MCTP2: variants seen among roughly 807,000 people sequenced by gnomAD.
MCTP2 encodes multiple C2 and transmembrane domain-containing protein 2.
Under a neutral mutation model 111.6 loss-of-function variants are expected in MCTP2, and 132 were observed. The observed-to-expected ratio is 1.18, with a 90% CI of 1.03 to 1.37. MCTP2 has a LOEUF of 1.37. Ranked by LOEUF, MCTP2 falls within the 40% of genes most tolerant of loss-of-function variation. MCTP2 has a pLI of 0.00. For synonymous variants in MCTP2, 395 were observed against 387.7 expected (o/e 1.02, Z -0.22); for missense variants, 1,183 against 1,067.9 (o/e 1.11, Z -1.50).
chr15:94,428,811 C>G (rs1356895555), intron 17 of MCTP2, among the ~76,000 whole-genome samples: 2 of 152,052 alleles, frequency 1.3e-5, no homozygotes, highest in Non-Finnish European at 2.9e-5. Flanking sequence ...TTTATTTTCT[C>G]TCCTTTATAC....
intron 1 of MCTP2, among the ~76,000 whole-genome samples, chr15:94,245,384 G>GTGTGTATA (rs2071811531): frequency 7.7e-6 from 1 of 129,764 alleles, no homozygotes; most frequent in Non-Finnish European, 1.6e-5. Flanking sequence ...ATATGTATAT[G>GTGTGTATA]TATTTATATA....
At chr15:94,325,596 T>C (rs2076826263) in intron 4 of MCTP2, among the ~76,000 whole-genome samples, 1 of 152,182 alleles carries the variant, frequency 6.6e-6, no homozygotes, top group African/African-American at 2.4e-5. Flanking sequence ...AGGTGTTTTC[T>C]TGAGGTCAGG....
chr15:94,366,700 A>G (rs1209099700), intron 10 of MCTP2, among the ~76,000 whole-genome samples: 3 of 152,116 alleles, frequency 2.0e-5, no homozygotes, highest in Admixed American at 6.6e-5. Context: ...TGGAGGGTAA[A>G]GGAGAATGTA....
At chr15:94,461,894 G>A (rs2085236148) in intron 20 of MCTP2, among the ~76,000 whole-genome samples, 1 of 152,150 alleles carries the variant, frequency 6.6e-6, no homozygotes, top group Admixed American at 6.5e-5. Flanking sequence ...GATGCATTTT[G>A]TGTTTAAATC....
chr15:94,380,778 AAGG>A (rs2080092395), intron 12 of MCTP2, among the ~76,000 whole-genome samples: 1 of 151,806 alleles, frequency 6.6e-6, no homozygotes, highest in Non-Finnish European at 1.5e-5. Flanking sequence ...AAAAAAAAAA[AAGG>A]GGGGGTTATC....
chr15:94,346,786 A>C (rs942238133), intron 8 of MCTP2, among the ~76,000 whole-genome samples: 1 of 151,932 alleles, frequency 6.6e-6, no homozygotes, highest in South Asian at 2.1e-4. Context: ...AATGATGGGG[A>C]GTAGAAAAAA....
chr15:94,454,699 T>C (rs1311134235), intron 19 of MCTP2, among the ~76,000 whole-genome samples: 4 of 152,196 alleles, frequency 2.6e-5, no homozygotes, highest in African/African-American at 9.7e-5. Flanking sequence ...GGAAGCTTTT[T>C]CTGAATGGAA....
At chr15:94,401,218 C>A (rs1014456549) in intron 16 of MCTP2, among the ~76,000 whole-genome samples, 4 of 152,002 alleles carry the variant, frequency 2.6e-5, no homozygotes, top group African/African-American at 9.7e-5. Context: ...CTTAGTCCCC[C>A]CAAATTTTGA....
chr15:94,467,201 CA>C (rs2073424997), intron 20 of MCTP2, among the ~76,000 whole-genome samples: 1 of 152,080 alleles, frequency 6.6e-6, no homozygotes, highest in Non-Finnish European at 1.5e-5. Context: ...ATAGAGCTAA[CA>C]AAAGTTGCAC....
chr15:94,366,380 A>G (rs1001010940), intron 10 of MCTP2, among the ~76,000 whole-genome samples: 1 of 152,208 alleles, frequency 6.6e-6, no homozygotes, highest in East Asian at 1.9e-4. Flanking sequence ...ATGGACACAT[A>G]TTGGTATGTA....
intron 1 of MCTP2, among the ~76,000 whole-genome samples, chr15:94,234,362 T>A (rs1011816589): frequency 6.6e-6 from 1 of 152,246 alleles, no homozygotes; most frequent in South Asian, 2.1e-4. Context: ...TCTGCCTGTT[T>A]CTGTGGAGAT....
At chr15:94,317,917 T>G (rs889439802) in intron 4 of MCTP2, among the ~76,000 whole-genome samples, 2 of 140,422 alleles carry the variant, frequency 1.4e-5, no homozygotes, top group Non-Finnish European at 3.1e-5. Flanking sequence ...ACCTATCAAG[T>G]GTATCCCTTC....
chr15:94,452,986 G>C (rs2084562381), intron 19 of MCTP2, among the ~76,000 whole-genome samples: 1 of 152,154 alleles, frequency 6.6e-6, no homozygotes, highest in Non-Finnish European at 1.5e-5. Flanking sequence ...TCCCTGTCTA[G>C]AAGATACTCT....
intron 20 of MCTP2, among the ~76,000 whole-genome samples, chr15:94,459,597 T>A (rs2085062863): frequency 6.6e-6 from 1 of 152,256 alleles, no homozygotes; most frequent in African/African-American, 2.4e-5. Flanking sequence ...TTTGCTTTAT[T>A]CTTGTAGGTT....
intron 1 of MCTP2, among the ~76,000 whole-genome samples, chr15:94,264,356 C>T (rs2073381007): frequency 6.6e-6 from 1 of 152,062 alleles, no homozygotes. Flanking sequence ...TGTCTGTAAT[C>T]CCAGCACTTT....
Position 94,463,439 on chromosome 15 carries a change from CTTTGA to C in MCTP2, c.2360+5198_2360+5202del, listed in dbSNP as rs545759907. 2.7e-4 allele frequency among the ~76,000 whole-genome samples: 41 copies of C among 152,026 alleles called. No individual in the cohort carries two copies. In the East Asian group the frequency reaches 6.6e-3, roughly 24 times the overall value. On this transcript the variant is annotated intron_variant, in intron 20 of 22. Coordinates refer to ENST00000357742, the MANE Select transcript of MCTP2 (RefSeq NM_001385001.1). ...TATAGACATGAAATTAATTTTTCTGCTTTGATTTGTTTCTAATAACCAGGTAAACT... is the reference window on the plus strand; with the variant it reads ...TATAGACATGAAATTAATTTTTCTGCTTTGTTTCTAATAACCAGGTAAACT...
At chr15:94,380,520 C>A (rs2080072980) in intron 12 of MCTP2, among the ~76,000 whole-genome samples, 1 of 152,146 alleles carries the variant, frequency 6.6e-6, no homozygotes, top group South Asian at 2.1e-4. Flanking sequence ...GTAATCCCAG[C>A]ACTTTGGGAG....
At chr15:94,378,402 G>A (rs1447743558) in intron 12 of MCTP2, among the ~76,000 whole-genome samples, 1 of 151,572 alleles carries the variant, frequency 6.6e-6, no homozygotes, top group Non-Finnish European at 1.5e-5. Flanking sequence ...TGTCCTTGTA[G>A]TCCTAGCTAG....
chr15:94,379,799 AAT>A (rs1567573609), intron 12 of MCTP2, among the ~76,000 whole-genome samples: 1 of 142,564 alleles, frequency 7.0e-6, no homozygotes, highest in Admixed American at 6.9e-5. Flanking sequence ...TATGATATGT[AAT>A]ATATAATTAT....
Sources: gnomAD v4.1 joint callset for allele counts (sites outside exome capture counted in the v4.1 genomes callset) on GRCh38, gnomAD v4.1.1 for gene constraint, MANE v1.5 for transcripts, NCBI Gene and HGNC (gene_info 2026-07-23, HGNC 2026-07-21) for gene names.